Variants in TM9SF2 observed in about 807,000 individuals in gnomAD.
The protein encoded by TM9SF2 is transmembrane 9 superfamily member 2.
A neutral mutation model predicts 84.9 loss-of-function variants in TM9SF2; 13 were observed. The ratio of observed to expected loss-of-function variants is 0.15; its 90% CI spans 0.10 to 0.24. TM9SF2 has a LOEUF of 0.24. TM9SF2 is among the 10% of genes least tolerant of loss of function. The pLI, the probability that TM9SF2 is intolerant of heterozygous loss-of-function variation, is 1.00. For synonymous variants in TM9SF2, 273 were observed against 285.8 expected (o/e 0.96, Z 0.45); for missense variants, 562 against 818.5 (o/e 0.69, Z 3.82).
At chr13:99,544,360 A>AC (rs2046273957) in intron 10 of TM9SF2, among the ~76,000 whole-genome samples, 1 of 151,688 alleles carries the variant, frequency 6.6e-6, no homozygotes, top group Non-Finnish European at 1.5e-5. Context: ...AAAACAAAAA[A>AC]CACCACAGTT....
chr13:99,508,594 A>G (rs1325148328), intron 1 of TM9SF2, among the ~76,000 whole-genome samples: 1 of 152,180 alleles, frequency 6.6e-6, no homozygotes, highest in Non-Finnish European at 1.5e-5. Flanking sequence ...ATTGGCCCAC[A>G]GTTCTGCAGG....
chr13:99,525,598 C>T (rs1340267841), intron 3 of TM9SF2, among the ~76,000 whole-genome samples: 1 of 150,380 alleles, frequency 6.6e-6, no homozygotes, highest in African/African-American at 2.5e-5. Context: ...CTCTGTAGCC[C>T]AGGCTGGAGT....
intron 10 of TM9SF2, 80 bp downstream of exon 10, chr13:99,544,075 G>T: frequency 1.3e-6 from 2 of 1,520,526 alleles, no homozygotes; most frequent in Admixed American, 1.8e-5. Context: ...TTTCTGGCCG[G>T]GCATGGTGGC....
intron 4 of TM9SF2, among the ~76,000 whole-genome samples, chr13:99,533,623 GT>G (rs1225760978): frequency 2.0e-5 from 3 of 152,160 alleles, no homozygotes; most frequent in Non-Finnish European, 4.4e-5. Flanking sequence ...GTTAATAATA[GT>G]TTCTTATATA....
chr13:99,550,815 G>A (rs1026982326), intron 12 of TM9SF2, among the ~76,000 whole-genome samples: 1 of 152,114 alleles, frequency 6.6e-6, no homozygotes, highest in African/African-American at 2.4e-5. Context: ...GTATTAAAAA[G>A]AATCTTATCT....
chr13:99,525,967 C>T (rs2046181522), intron 3 of TM9SF2, among the ~76,000 whole-genome samples: 1 of 152,182 alleles, frequency 6.6e-6, no homozygotes, highest in Non-Finnish European at 1.5e-5. Flanking sequence ...GGTGTCCTTG[C>T]TCTGGCAAGA....
At chr13:99,503,332 G>A (rs7320057) in intron 1 of TM9SF2, among the ~76,000 whole-genome samples, 133,206 of 152,202 alleles carry the variant, frequency 0.88, 58,468 homozygotes, top group Admixed American at 0.92. Context: ...AATCTGATCT[G>A]TTACACAGGA....
chr13:99,555,931 A>T (rs1274912959), intron 15 of TM9SF2, among the ~76,000 whole-genome samples: 1 of 152,188 alleles, frequency 6.6e-6, no homozygotes, highest in Admixed American at 6.5e-5. Context: ...AAAAATTAAT[A>T]CTTTTGTGAT....
At chr13:99,517,762 C>A in intron 2 of TM9SF2, 81 bp downstream of exon 2, 1 of 865,088 alleles carries the variant, frequency 1.2e-6, no homozygotes, top group Non-Finnish European at 1.7e-6. Flanking sequence ...TGTTTTCTCA[C>A]AGTTATGGAC....
intron 11 of TM9SF2, 75 bp from the exon 12 acceptor site, chr13:99,549,090 T>G: frequency 1.5e-6 from 2 of 1,323,298 alleles, no homozygotes; most frequent in South Asian, 2.5e-5. Context: ...TTGGCAAATA[T>G]CAGACTTGTA....
chr13:99,523,055 G>A (rs1234796821), intron 3 of TM9SF2, among the ~76,000 whole-genome samples: 1 of 152,122 alleles, frequency 6.6e-6, no homozygotes, highest in African/African-American at 2.4e-5. Flanking sequence ...AAACTTAAAG[G>A]GACAGAGCAG....
intron 4 of TM9SF2, among the ~76,000 whole-genome samples, chr13:99,535,216 C>T (rs1055713555): frequency 2.6e-5 from 4 of 151,960 alleles, no homozygotes; most frequent in African/African-American, 9.7e-5. Flanking sequence ...TTTTTAAATG[C>T]TTCCTATTAC....
At chr13:99,557,827 A>C (rs1178133762) in intron 15 of TM9SF2, among the ~76,000 whole-genome samples, 1 of 152,176 alleles carries the variant, frequency 6.6e-6, no homozygotes, top group South Asian at 2.1e-4. Flanking sequence ...ACACCACTGC[A>C]CTCCAGAACC....
At chr13:99,558,666 G>A (rs1383089381) in intron 15 of TM9SF2, among the ~76,000 whole-genome samples, 2 of 151,976 alleles carry the variant, frequency 1.3e-5, no homozygotes, top group Non-Finnish European at 2.9e-5. Flanking sequence ...ACCGACTTTT[G>A]TATGTTGATC....
At chr13:99,516,195 A>G (rs1053404022) in intron 1 of TM9SF2, among the ~76,000 whole-genome samples, 5 of 152,206 alleles carry the variant, frequency 3.3e-5, no homozygotes, top group Admixed American at 3.3e-4. Flanking sequence ...AGAACCTGTA[A>G]TCTTGCCTGC....
In TM9SF2 at chr13:99,563,171, A is replaced by G. The variant is rs2046351540; in HGVS notation, c.*413A>G. On this transcript the variant is annotated 3_prime_UTR_variant, in exon 17 of 17. Coordinates refer to ENST00000376387, the MANE Select transcript of TM9SF2 (RefSeq NM_004800.3). ...GAAAGAATTATTTTTCTTTGAAGGA[A>G]ATAACTTTTTATCATGGTAATTTTG... The G allele has an allele frequency of 6.5e-6, 1 of 154,954 alleles. No homozygotes were observed. 9.6% of individuals were successfully genotyped at this position (154,954 alleles called of 1,614,324 possible).
intron 15 of TM9SF2, among the ~76,000 whole-genome samples, chr13:99,557,789 C>T (rs1338025855): frequency 6.6e-6 from 1 of 152,000 alleles, no homozygotes; most frequent in African/African-American, 2.4e-5. Context: ...ATCACTTGAG[C>T]CCAGGAGGGC....
chr13:99,517,178 A>G (rs985653126), intron 1 of TM9SF2, among the ~76,000 whole-genome samples: 3 of 152,200 alleles, frequency 2.0e-5, no homozygotes, highest in Non-Finnish European at 4.4e-5. Flanking sequence ...CAGTGGCGCC[A>G]TCATAGCTCA....
intron 1 of TM9SF2, among the ~76,000 whole-genome samples, chr13:99,503,266 T>A (rs1382487986): frequency 6.6e-6 from 1 of 152,158 alleles, no homozygotes; most frequent in African/African-American, 2.4e-5. Context: ...AAAATATATT[T>A]CCTGCCCTCT....
Sources: allele counts gnomAD v4.1 joint callset (sites outside exome capture counted in the v4.1 genomes callset), GRCh38; gene constraint gnomAD v4.1.1; transcripts MANE v1.5; gene names NCBI Gene and HGNC (gene_info 2026-07-23, HGNC 2026-07-21).